ATP6V0A4: variants seen among roughly 807,000 people sequenced by gnomAD.
ATP6V0A4 encodes ATPase H+ transporting V0 subunit a4, also known as V-type proton ATPase 116 kDa subunit a 4.
ATP6V0A4 carries 86 observed loss-of-function variants against 107.3 expected under a neutral mutation model. The ratio of observed to expected loss-of-function variants is 0.80; its 90% CI spans 0.67 to 0.96. The LOEUF is 0.96. Among genes scored for constraint, ATP6V0A4 ranks in the 40% least tolerant of loss-of-function variants. The pLI is 0.00. For synonymous variants in ATP6V0A4, 353 were observed against 381.4 expected, an observed-to-expected ratio of 0.93 and a Z score of 0.87; for missense variants, 908 against 1,045.6, an observed-to-expected ratio of 0.87 and a Z score of 1.81.
intron 19 of ATP6V0A4, among the ~76,000 whole-genome samples, chr7:138,718,155 GAT>G (rs1804177339): frequency 2.4e-5 from 3 of 124,630 alleles, no homozygotes; most frequent in Non-Finnish European, 5.3e-5. Flanking sequence ...AGGAAGGGGG[GAT>G]GCAGTCACGG....
chr7:138,749,076 T>C lies in ATP6V0A4; in HGVS notation c.1180+91A>G, dbSNP rs1250046243. The C allele has an allele frequency of 3.3e-6, 5 of 1,532,162 alleles. No individual in the cohort carries two copies. The South Asian group carries it at 4.5e-5, about 14-fold the overall frequency. The allele number at this position is 1,532,162 out of a possible 1,614,324, so 94.9% of individuals were successfully genotyped here. A position where few individuals can be genotyped will look rare whatever the true frequency, so the allele number is the denominator to read the frequency against. The stretch of plus-strand genomic sequence containing the variant: ...ACCCTAGCCCCAAGCCTCACAGTTT[T>C]AACAAGTTCACCACCTCGGTCACCT... On this transcript the variant is annotated intron_variant, in intron 12 of 21. Transcript: ENST00000310018.
At chr7:138,715,940 CA>C in intron 19 of ATP6V0A4, 59 bp from the exon 20 acceptor site, 1 of 1,594,956 alleles carries the variant, frequency 6.3e-7, no homozygotes, top group Non-Finnish European at 8.6e-7. Context: ...AAAGTTATTC[CA>C]AATGATGCAA....
rs150965521 is a variant in ATP6V0A4 at position 138,757,448 on chromosome 7, C to T, written c.640-908G>A. ...GGAGGATTGTTTGAGCCCAGGAAGT[C>T]GAGGCTGCAGTGAGTCATGATCATA... is the stretch of plus-strand genomic sequence containing the variant. On this transcript the variant is annotated intron_variant, in intron 8 of 21. Transcript: ENST00000310018. Among the ~76,000 whole-genome samples, 1,096 of 152,056 alleles carry T rather than the reference C, an allele frequency of 7.2e-3. 25 individuals carry two copies. The highest frequency in any genetic ancestry group is 0.025 in the African/African-American group (1,045 of 41,456).
intron 7 of ATP6V0A4, among the ~76,000 whole-genome samples, chr7:138,761,322 A>G (rs1806803654): frequency 8.1e-6 from 1 of 123,278 alleles, no homozygotes; most frequent in South Asian, 2.7e-4. Context: ...ACAGAGTGAG[A>G]GCCCGTGTCA....
Position 138,769,631 on chromosome 7 carries a change from A to G in ATP6V0A4, c.118-380T>C, listed in dbSNP as rs74299915. Among the ~76,000 whole-genome samples the G allele has an allele frequency of 1.7e-3, 252 of 152,166 alleles. 2 individuals carry two copies. In the East Asian group the frequency reaches 0.034, roughly 20 times the overall value. On this transcript the variant is annotated intron_variant, in intron 3 of 21. Coordinates refer to ENST00000310018, the MANE Select transcript of ATP6V0A4 (RefSeq NM_020632.3). ...CGCTAAGCCCCCTTTTGGTCATTTT[A>G]TTATCTTTTTAATACTAGAGAATGT...
At chr7:138,721,170 C>T (rs1804403932) in intron 19 of ATP6V0A4, among the ~76,000 whole-genome samples, 1 of 152,104 alleles carries the variant, frequency 6.6e-6, no homozygotes, top group East Asian at 1.9e-4. Flanking sequence ...GCTGTCCTTG[C>T]ACAGGCAGGG....
At chr7:138,746,941 G>A (rs1805981935) in intron 13 of ATP6V0A4, among the ~76,000 whole-genome samples, 1 of 152,168 alleles carries the variant, frequency 6.6e-6, no homozygotes, top group Non-Finnish European at 1.5e-5. Flanking sequence ...GTCCCAGGCT[G>A]CTTCTGCCAT....
chr7:138,746,761 C>T (rs975524630), intron 13 of ATP6V0A4, among the ~76,000 whole-genome samples: 3 of 152,162 alleles, frequency 2.0e-5, no homozygotes, highest in Admixed American at 2.0e-4. Flanking sequence ...ACCATGGCCT[C>T]CCAAAGTGGT....
intron 18 of ATP6V0A4, among the ~76,000 whole-genome samples, chr7:138,723,601 C>G (rs1369856451): frequency 1.4e-5 from 2 of 146,020 alleles, no homozygotes; most frequent in Non-Finnish European, 3.0e-5. Context: ...TCTCGGTTCA[C>G]TGCAACCTCT....
intron 16 of ATP6V0A4, 146 bp from the exon 17 acceptor site, chr7:138,733,239 C>CA: frequency 7.6e-7 from 1 of 1,320,772 alleles, no homozygotes; most frequent in South Asian, 1.4e-5. Context: ...CCCACCCCCC[C>CA]AGCAAACAGC....
At chr7:138,714,801 T>A (rs567273963) in intron 20 of ATP6V0A4, among the ~76,000 whole-genome samples, 2 of 152,200 alleles carry the variant, frequency 1.3e-5, no homozygotes, top group African/African-American at 2.4e-5. Flanking sequence ...TGTTCCCCCA[T>A]CCCCAAAGAT....
rs899373762 is a variant in ATP6V0A4, at chr7:138,798,192, G to A, written c.-279C>T. Reference sequence around the variant, plus strand: ...CCACTCGGCTTGCTCGGCAGGTAGCGTTATGAGCTTTATTCATGGCCAGGC... The same window carrying A: ...CCACTCGGCTTGCTCGGCAGGTAGCATTATGAGCTTTATTCATGGCCAGGC... On this transcript the variant is annotated 5_prime_UTR_variant, in exon 1 of 22. In the 5' UTR this introduces an upstream ATG that the reference lacks. Transcript: ENST00000310018. 17 of 1,585,424 alleles carry A rather than the reference G, an allele frequency of 1.1e-5. No homozygotes were observed. The highest frequency in any genetic ancestry group is 2.3e-5 in the East Asian group (1 of 43,540).
At chr7:138,734,613 C>T (rs1562990969) in intron 15 of ATP6V0A4, among the ~76,000 whole-genome samples, 1 of 151,934 alleles carries the variant, frequency 6.6e-6, no homozygotes, top group East Asian at 1.9e-4. Context: ...CCTGTCTCTA[C>T]ACCAAAATAC....
chr7:138,747,211 G>A (rs1263479921), intron 13 of ATP6V0A4, among the ~76,000 whole-genome samples: 2 of 152,092 alleles, frequency 1.3e-5, no homozygotes, highest in East Asian at 3.8e-4. Flanking sequence ...GCCTTATCAA[G>A]TCATGAACAA....
chr7:138,751,121 C>T (rs1419180017), intron 11 of ATP6V0A4, among the ~76,000 whole-genome samples: 1 of 152,118 alleles, frequency 6.6e-6, no homozygotes, highest in Non-Finnish European at 1.5e-5. Context: ...CCCCATCGGC[C>T]AAACCAGCTG....
intron 19 of ATP6V0A4, among the ~76,000 whole-genome samples, chr7:138,721,585 T>A (rs1343307843): frequency 6.6e-6 from 1 of 151,858 alleles, no homozygotes; most frequent in African/African-American, 2.4e-5. Flanking sequence ...AGCCAAGGAG[T>A]CCTCAGTGAC....
intron 7 of ATP6V0A4, 74 bp downstream of exon 7, chr7:138,762,266 C>T: frequency 6.5e-7 from 1 of 1,545,722 alleles, no homozygotes; most frequent in Non-Finnish European, 8.9e-7. Flanking sequence ...GCTATTTGTT[C>T]ACCCGTTCAT....
At chr7:138,758,047 G>A (rs1273718804) in intron 8 of ATP6V0A4, among the ~76,000 whole-genome samples, 1 of 152,138 alleles carries the variant, frequency 6.6e-6, no homozygotes, top group Non-Finnish European at 1.5e-5. Context: ...TCAGGAATCT[G>A]CTCTAATCTC....
chr7:138,791,262 A>G (rs1808399315), intron 1 of ATP6V0A4, among the ~76,000 whole-genome samples: 1 of 152,214 alleles, frequency 6.6e-6, no homozygotes, highest in Non-Finnish European at 1.5e-5. Flanking sequence ...GAGATTTCAT[A>G]AAAGACTGGG....
Sources: allele counts gnomAD v4.1 joint callset (sites outside exome capture counted in the v4.1 genomes callset), GRCh38; gene constraint gnomAD v4.1.1; transcripts MANE v1.5; gene names NCBI Gene and HGNC (gene_info 2026-07-23, HGNC 2026-07-21).